GPC6: variants seen among roughly 807,000 people sequenced by gnomAD.
GPC6 encodes the protein glypican 6.
A neutral mutation model predicts 55.2 loss-of-function variants in GPC6; 14 were observed. The observed-to-expected ratio is 0.25, with a 90% CI of 0.17 to 0.40. The LOEUF is 0.40. Ranked by LOEUF, GPC6 falls within the 10% of genes least tolerant of loss-of-function variation. GPC6 has a pLI of 1.00. For missense variants in GPC6, 641 were observed against 708.5 expected (o/e 0.90, Z 1.08); for synonymous variants, 278 against 259.6 (o/e 1.07, Z -0.68).
In GPC6 at chr13:93,560,228, A is replaced by G. The variant is rs545867962; in HGVS notation, c.319+14807A>G. On this transcript the variant is annotated intron_variant, in intron 2 of 8. Coordinates refer to ENST00000377047, the MANE Select transcript of GPC6 (RefSeq NM_005708.5). ...TTTTAAAAAAGGAAAAAAATAATGG[A>G]TTTGCAGTTAGGCTCACTCCTTTAA... Among the ~76,000 whole-genome samples, 4 of 151,592 alleles carry G rather than the reference A, an allele frequency of 2.6e-5. No individual in the cohort carries two copies. The East Asian group carries it at 5.9e-4, about 22-fold the overall frequency.
chr13:93,959,428 G>A (rs1879665413), intron 3 of GPC6, among the ~76,000 whole-genome samples: 1 of 152,170 alleles, frequency 6.6e-6, no homozygotes, highest in Non-Finnish European at 1.5e-5. Flanking sequence ...CTCCCAGTGT[G>A]CTGGGATTAC....
At chr13:93,504,638 A>G (rs1049791779) in intron 1 of GPC6, among the ~76,000 whole-genome samples, 10 of 151,972 alleles carry the variant, frequency 6.6e-5, no homozygotes, top group African/African-American at 2.2e-4. Context: ...CATTGGCTCA[A>G]ATAGCTGGAG....
At chr13:93,805,905 G>A (rs960879744) in intron 2 of GPC6, among the ~76,000 whole-genome samples, 8 of 151,966 alleles carry the variant, frequency 5.3e-5, no homozygotes, top group Non-Finnish European at 1.2e-4. Flanking sequence ...GAAAATAAAT[G>A]AGGCTATAAG....
intron 1 of GPC6, among the ~76,000 whole-genome samples, chr13:93,253,103 G>T (rs1240723148): frequency 6.6e-6 from 1 of 152,112 alleles, no homozygotes; most frequent in Non-Finnish European, 1.5e-5. Context: ...TCAAAACATG[G>T]CATATTTTAG....
chr13:93,376,218 T>C (rs534955352), intron 1 of GPC6, among the ~76,000 whole-genome samples: 1 of 152,202 alleles, frequency 6.6e-6, no homozygotes, highest in East Asian at 1.9e-4. Flanking sequence ...TCTTGGATGT[T>C]GTTATTTTGA....
chr13:93,705,219 A>C (rs1452127344), intron 2 of GPC6, among the ~76,000 whole-genome samples: 1 of 151,974 alleles, frequency 6.6e-6, no homozygotes, highest in Non-Finnish European at 1.5e-5. Context: ...TGTCATATAC[A>C]AATACAAATG....
intron 1 of GPC6, among the ~76,000 whole-genome samples, chr13:93,440,400 G>A (rs1452032734): frequency 6.6e-6 from 1 of 152,134 alleles, no homozygotes; most frequent in Admixed American, 6.6e-5. Context: ...TATTTTGTTT[G>A]TTTTTCTTTA....
intron 2 of GPC6, among the ~76,000 whole-genome samples, chr13:93,607,826 G>A (rs1343427024): frequency 2.0e-5 from 3 of 152,030 alleles, no homozygotes; most frequent in Non-Finnish European, 1.5e-5. Flanking sequence ...TCTGGCCCCT[G>A]CTATACACAA....
At chr13:93,457,831 AT>A (rs1878521091) in intron 1 of GPC6, among the ~76,000 whole-genome samples, 1 of 141,568 alleles carries the variant, frequency 7.1e-6, no homozygotes, top group Non-Finnish European at 1.6e-5. Flanking sequence ...GTCGATCAAT[AT>A]TAAAAAAAAA....
At chr13:93,613,924 T>C (rs575932569) in intron 2 of GPC6, among the ~76,000 whole-genome samples, 1 of 152,270 alleles carries the variant, frequency 6.6e-6, no homozygotes, top group South Asian at 2.1e-4. Flanking sequence ...TGGTGGCCCA[T>C]AAAATTTAGA....
chr13:93,663,337 T>C (rs1881001972), intron 2 of GPC6, among the ~76,000 whole-genome samples: 1 of 152,184 alleles, frequency 6.6e-6, no homozygotes, highest in Non-Finnish European at 1.5e-5. Flanking sequence ...GAAGATGCAT[T>C]TACAACTATG....
At chr13:93,415,145 G>A (rs781420736) in intron 1 of GPC6, among the ~76,000 whole-genome samples, 1 of 152,038 alleles carries the variant, frequency 6.6e-6, no homozygotes, top group Admixed American at 6.6e-5. Context: ...TTGGCAAAAC[G>A]TGCTCTATTT....
chr13:94,332,305 A>C lies in GPC6; in HGVS notation c.1152+26182A>C, dbSNP rs146037300. On this transcript the variant is annotated intron_variant, in intron 6 of 8. Coordinates refer to ENST00000377047, the MANE Select transcript of GPC6 (RefSeq NM_005708.5). The stretch of plus-strand genomic sequence containing the variant: ...CAGCTGGATTCAGCTGAACTGTAGT[A>C]ATTAGCCATCACCTAATCTTATTCA... Among the ~76,000 whole-genome samples, 1,237 of 152,288 alleles carry C rather than the reference A, an allele frequency of 8.1e-3. 11 individuals are homozygous for C. Among genetic ancestry groups the C allele is most frequent in the Admixed American group, 0.014 (212 of 15,300 alleles).
At chr13:94,059,161 G>T (rs998181852) in intron 4 of GPC6, among the ~76,000 whole-genome samples, 35 of 150,404 alleles carry the variant, frequency 2.3e-4, no homozygotes, top group African/African-American at 8.5e-4. Context: ...TTAACATGTT[G>T]TTCATGTTGT....
chr13:93,660,499 A>G (rs1880877836), intron 2 of GPC6, among the ~76,000 whole-genome samples: 1 of 152,184 alleles, frequency 6.6e-6, no homozygotes, highest in South Asian at 2.1e-4. Context: ...GAAAATTAAG[A>G]TTTAGTTAAG....
intron 4 of GPC6, among the ~76,000 whole-genome samples, chr13:94,049,065 A>G (rs1883838701): frequency 6.6e-6 from 1 of 152,068 alleles, no homozygotes; most frequent in Non-Finnish European, 1.5e-5. Flanking sequence ...AGCCTGGTCA[A>G]CATAGCAAGA....
chr13:94,059,991 T>A (rs1455807278), intron 4 of GPC6, among the ~76,000 whole-genome samples: 5 of 152,080 alleles, frequency 3.3e-5, no homozygotes, highest in Non-Finnish European at 7.4e-5. Context: ...TACCCATGCA[T>A]CTCTACTCTT....
intron 6 of GPC6, among the ~76,000 whole-genome samples, chr13:94,319,193 T>C (rs1352736512): frequency 6.6e-6 from 1 of 152,128 alleles, no homozygotes; most frequent in Non-Finnish European, 1.5e-5. Context: ...CTTACTTCAC[T>C]CTTTTTCTTT....
intron 2 of GPC6, among the ~76,000 whole-genome samples, chr13:93,555,768 T>C: frequency 6.6e-6 from 1 of 152,212 alleles, no homozygotes. Context: ...ATGAATTTCC[T>C]GGAGAATCAG....
Sources: gnomAD v4.1 joint callset for allele counts (sites outside exome capture counted in the v4.1 genomes callset) on GRCh38, gnomAD v4.1.1 for gene constraint, MANE v1.5 for transcripts, NCBI Gene and HGNC (gene_info 2026-07-23, HGNC 2026-07-21) for gene names.